Variants in KCNJ6 observed in about 807,000 individuals in gnomAD.
KCNJ6 encodes potassium inwardly rectifying channel subfamily J member 6, also known as G protein-activated inward rectifier potassium channel 2.
KCNJ6 carries 9 observed loss-of-function variants against 34.2 expected under a neutral mutation model. The ratio of observed to expected loss-of-function variants is 0.26; its 90% CI spans 0.16 to 0.46. The LOEUF (loss-of-function observed/expected upper bound fraction) is 0.46. Among genes scored for constraint, KCNJ6 ranks in the 20% least tolerant of loss-of-function variants. The pLI is 1.00. For synonymous variants in KCNJ6, 196 were observed against 207.1 expected, an observed-to-expected ratio of 0.95 and a Z score of 0.46; for missense variants, 236 against 531.3, an observed-to-expected ratio of 0.44 and a Z score of 5.46.
chr21:37,699,966 G>A (rs1012255756), intron 3 of KCNJ6, among the ~76,000 whole-genome samples: 14 of 152,146 alleles, frequency 9.2e-5, no homozygotes, highest in Admixed American at 3.3e-4. Flanking sequence ...CATAGCGTCC[G>A]GTGGAAAGGA....
intron 3 of KCNJ6, among the ~76,000 whole-genome samples, chr21:37,634,372 G>A (rs988850932): frequency 6.6e-6 from 1 of 152,146 alleles, no homozygotes; most frequent in Admixed American, 6.5e-5. Context: ...TGCAATGAGT[G>A]GAAGCTTCCT....
At chr21:37,895,528 C>T (rs1167482615) in intron 1 of KCNJ6, among the ~76,000 whole-genome samples, 1 of 152,190 alleles carries the variant, frequency 6.6e-6, no homozygotes, top group Admixed American at 6.5e-5. Context: ...TTCTAGCTAC[C>T]TTCACTGACC....
At position 37,877,054 on chromosome 21, in the gene KCNJ6, G is replaced by A. The variant is rs146295591; in HGVS notation, c.-27-36345C>T. 1.9e-4 allele frequency among the ~76,000 whole-genome samples: 29 copies of A among 152,212 alleles called. No homozygotes were observed. The East Asian group carries it at 3.1e-3, about 16-fold the overall frequency. ...AGTGCCCTGCCCTTGAGTTGATGTCGAATGGTTTTACAAGTTTTTTGTACC... is the reference window on the plus strand; with the variant it reads ...AGTGCCCTGCCCTTGAGTTGATGTCAAATGGTTTTACAAGTTTTTTGTACC... On this transcript the variant is annotated intron_variant, in intron 1 of 3. Coordinates refer to ENST00000609713, the MANE Select transcript of KCNJ6 (RefSeq NM_002240.5).
intron 1 of KCNJ6, among the ~76,000 whole-genome samples, chr21:37,863,967 T>C (rs2055608951): frequency 6.8e-6 from 1 of 147,570 alleles, no homozygotes; most frequent in African/African-American, 2.5e-5. Flanking sequence ...GGAAAGACCA[T>C]ATGAAAATAT....
chr21:37,667,502 G>A (rs1360217543), intron 3 of KCNJ6, among the ~76,000 whole-genome samples: 1 of 151,838 alleles, frequency 6.6e-6, no homozygotes, highest in Non-Finnish European at 1.5e-5. Context: ...CTGGGGTAGA[G>A]GACGCTGGGG....
intron 2 of KCNJ6, among the ~76,000 whole-genome samples, chr21:37,737,963 A>G (rs566057596): frequency 1.3e-5 from 2 of 152,200 alleles, no homozygotes; most frequent in African/African-American, 4.8e-5. Flanking sequence ...CCCTGGGGTC[A>G]AACCATGCTC....
chr21:37,708,479 T>C (rs2054732803), intron 3 of KCNJ6, among the ~76,000 whole-genome samples: 2 of 152,224 alleles, frequency 1.3e-5, no homozygotes, highest in South Asian at 4.1e-4. Flanking sequence ...AAGGAAGCCC[T>C]GAATAAATGA....
intron 2 of KCNJ6, among the ~76,000 whole-genome samples, chr21:37,755,953 C>A (rs551545774): frequency 1.3e-5 from 2 of 152,210 alleles, no homozygotes; most frequent in Non-Finnish European, 2.9e-5. Context: ...AGTCTTTATT[C>A]GGTGGCTCGA....
intron 3 of KCNJ6, among the ~76,000 whole-genome samples, chr21:37,660,314 G>T (rs986453658): frequency 6.6e-6 from 1 of 152,238 alleles, no homozygotes; most frequent in African/African-American, 2.4e-5. Context: ...AGGGGCGAGA[G>T]ATAAGAAATA....
At chr21:37,820,100 T>G (rs901925757) in intron 2 of KCNJ6, among the ~76,000 whole-genome samples, 5 of 152,062 alleles carry the variant, frequency 3.3e-5, no homozygotes, top group Non-Finnish European at 7.4e-5. Flanking sequence ...CTCTTTTAAA[T>G]TGGAAAGGAA....
intron 1 of KCNJ6, among the ~76,000 whole-genome samples, chr21:37,903,431 T>G (rs967147721): frequency 6.6e-6 from 1 of 152,214 alleles, no homozygotes; most frequent in Non-Finnish European, 1.5e-5. Context: ...TAAACCTCTT[T>G]CCTTTATAAA....
At chr21:37,780,483 T>C (rs1036419748) in intron 2 of KCNJ6, among the ~76,000 whole-genome samples, 2 of 152,000 alleles carry the variant, frequency 1.3e-5, no homozygotes, top group Non-Finnish European at 1.5e-5. Flanking sequence ...GATAATAATA[T>C]ATCAATACTG....
chr21:37,779,751 T>C (rs1198185617), intron 2 of KCNJ6, among the ~76,000 whole-genome samples: 1 of 152,196 alleles, frequency 6.6e-6, no homozygotes, highest in Non-Finnish European at 1.5e-5. Context: ...ACTGTAACCT[T>C]GAAGGTTTGC....
chr21:37,743,564 G>T (rs1179084163), intron 2 of KCNJ6, among the ~76,000 whole-genome samples: 1 of 152,092 alleles, frequency 6.6e-6, no homozygotes, highest in African/African-American at 2.4e-5. Flanking sequence ...CCTCATAAGA[G>T]AATGAGTTTG....
chr21:37,910,105 T>C (rs2055860060), intron 1 of KCNJ6, among the ~76,000 whole-genome samples: 1 of 152,158 alleles, frequency 6.6e-6, no homozygotes, highest in Non-Finnish European at 1.5e-5. Flanking sequence ...AATTCCAGAA[T>C]GAAGTCACAG....
At chr21:37,674,937 C>T (rs2054558013) in intron 3 of KCNJ6, among the ~76,000 whole-genome samples, 1 of 152,128 alleles carries the variant, frequency 6.6e-6, no homozygotes, top group African/African-American at 2.4e-5. Context: ...GAAATCTGGA[C>T]AACTTACTCA....
chr21:37,737,217 T>C (rs918844162), intron 2 of KCNJ6, among the ~76,000 whole-genome samples: 3 of 152,218 alleles, frequency 2.0e-5, no homozygotes, highest in African/African-American at 7.2e-5. Flanking sequence ...GTATATGTGC[T>C]ACAGGAGTAC....
chr21:37,832,330 G>A (rs2836003), intron 2 of KCNJ6, among the ~76,000 whole-genome samples: 28,937 of 151,346 alleles, frequency 0.19, 4,445 homozygotes, highest in East Asian at 0.49. Flanking sequence ...TTTGTCCCGG[G>A]GGATAAAGGG....
At chr21:37,708,283 ACT>A (rs2054731793) in intron 3 of KCNJ6, among the ~76,000 whole-genome samples, 1 of 152,104 alleles carries the variant, frequency 6.6e-6, no homozygotes, top group Non-Finnish European at 1.5e-5. Flanking sequence ...AAAAGTTAAG[ACT>A]CTATGTGTGC....
Sources: allele counts gnomAD v4.1 joint callset (sites outside exome capture counted in the v4.1 genomes callset), GRCh38; gene constraint gnomAD v4.1.1; transcripts MANE v1.5; gene names NCBI Gene and HGNC (gene_info 2026-07-23, HGNC 2026-07-21).